DNAJC1: variants seen among roughly 807,000 people sequenced by gnomAD.
DNAJC1 encodes the protein DnaJ heat shock protein family (Hsp40) member C1.
A neutral mutation model predicts 76.6 loss-of-function variants in DNAJC1; 58 were observed. The observed-to-expected ratio is 0.76, with a 90% confidence interval of 0.61 to 0.94. The LOEUF is 0.94. Among genes scored for constraint, DNAJC1 ranks in the 40% least tolerant of loss-of-function variants. The pLI, the probability that DNAJC1 is intolerant of heterozygous loss-of-function variation, is 0.00. For missense variants in DNAJC1, 689 were observed against 677.3 expected (o/e 1.02, Z -0.19); for synonymous variants, 258 against 267.9 (o/e 0.96, Z 0.36).
chr10:21,811,642 CT>C (rs1419560539), intron 8 of DNAJC1, among the ~76,000 whole-genome samples: 1 of 152,190 alleles, frequency 6.6e-6, no homozygotes, highest in Non-Finnish European at 1.5e-5. Flanking sequence ...AGCAAATATT[CT>C]CAACACATAT....
rs574582224 is a variant in DNAJC1 at position 21,806,004 on chromosome 10, G to A, written c.1074C>T (p.His358=). 1.4e-5 allele frequency: 22 copies of A among 1,611,460 alleles called. No homozygotes were observed. The highest frequency in any genetic ancestry group is 5.0e-5 in the Admixed American group (3 of 59,942). Residue 358 remains histidine (H), a synonymous_variant, in exon 9 of 12, where the codon CAC becomes CAT. Transcript: ENST00000376980. ...GTPGRWEKIA[H]ELGRSVTDVT... ...CATCTGTCACAGATCGACCCAATTC[G>A]TGGGCAATCTTTTCCCATCGACCTG... is the stretch of plus-strand genomic sequence containing the variant.
intron 8 of DNAJC1, among the ~76,000 whole-genome samples, chr10:21,878,682 A>AT (rs1245139582): frequency 6.6e-6 from 1 of 152,080 alleles, no homozygotes; most frequent in Non-Finnish European, 1.5e-5. Flanking sequence ...ATCTTCTAAA[A>AT]TTTTTCCAAA....
At chr10:21,824,719 T>C (rs1835219244) in intron 8 of DNAJC1, among the ~76,000 whole-genome samples, 1 of 152,212 alleles carries the variant, frequency 6.6e-6, no homozygotes, top group African/African-American at 2.4e-5. Flanking sequence ...TTATTTTTAA[T>C]TGTGGTAAAT....
intron 1 of DNAJC1, among the ~76,000 whole-genome samples, chr10:21,968,501 T>C (rs965177873): frequency 1.3e-5 from 2 of 151,322 alleles, no homozygotes; most frequent in Admixed American, 6.6e-5. Flanking sequence ...ATTCATGACA[T>C]ATCTTTTTTT....
chr10:21,865,703 G>T (rs1004347504), intron 8 of DNAJC1: 9 of 151,972 alleles, frequency 5.9e-5, no homozygotes, highest in Non-Finnish European at 1.5e-5. Context: ...CTTTAAATAT[G>T]TCTAGTTTAT....
chr10:21,763,565 G>GTTTT (rs34169717), intron 10 of DNAJC1, among the ~76,000 whole-genome samples: 2 of 127,338 alleles, frequency 1.6e-5, no homozygotes, highest in African/African-American at 3.0e-5. Context: ...TGTGCAGGTT[G>GTTTT]TTTTTTTTTT....
chr10:21,830,506 T>C (rs1835339060), intron 8 of DNAJC1, among the ~76,000 whole-genome samples: 1 of 152,206 alleles, frequency 6.6e-6, no homozygotes, highest in Non-Finnish European at 1.5e-5. Flanking sequence ...GTGGTTAGTT[T>C]TAAGATTTTC....
At chr10:21,809,327 TAG>T (rs1834929713) in intron 8 of DNAJC1, among the ~76,000 whole-genome samples, 1 of 151,960 alleles carries the variant, frequency 6.6e-6, no homozygotes, top group Non-Finnish European at 1.5e-5. Flanking sequence ...ATCTAATAAA[TAG>T]ATACTGAAAC....
chr10:21,964,461 C>T (rs1180630448), intron 1 of DNAJC1, among the ~76,000 whole-genome samples: 1 of 152,180 alleles, frequency 6.6e-6, no homozygotes, highest in Non-Finnish European at 1.5e-5. Context: ...ATCTGCCAGC[C>T]TTGGTCTCCC....
chr10:21,849,832 T>C (rs1029060679), intron 8 of DNAJC1, among the ~76,000 whole-genome samples: 1 of 151,954 alleles, frequency 6.6e-6, no homozygotes, highest in African/African-American at 2.4e-5. Context: ...TTCAATGTAA[T>C]ACATCACATT....
chr10:21,863,423 C>T (rs1339083045), intron 8 of DNAJC1, among the ~76,000 whole-genome samples: 1 of 152,010 alleles, frequency 6.6e-6, no homozygotes, highest in Non-Finnish European at 1.5e-5. Context: ...TTCAAATGCA[C>T]AAACCATCAA....
At chr10:21,853,619 C>A (rs1359734024) in intron 8 of DNAJC1, among the ~76,000 whole-genome samples, 1 of 151,634 alleles carries the variant, frequency 6.6e-6, no homozygotes, top group African/African-American at 2.4e-5. Context: ...CATGGTGAAA[C>A]CCTGTCTCTC....
At chr10:21,924,370 A>AT (rs570061821) in intron 3 of DNAJC1, among the ~76,000 whole-genome samples, 9 of 152,316 alleles carry the variant, frequency 5.9e-5, no homozygotes, top group African/African-American at 2.2e-4. Context: ...TAAAAAACAC[A>AT]TTCAACTTTT....
chr10:21,842,178 C>T (rs1186483009), intron 8 of DNAJC1, among the ~76,000 whole-genome samples: 1 of 151,168 alleles, frequency 6.6e-6, no homozygotes, highest in East Asian at 1.9e-4. Context: ...AGCACACCAA[C>T]ATGGCACATG....
At position 21,882,406 on chromosome 10, in the gene DNAJC1, A is replaced by C. The variant is rs1314193424; in HGVS notation, c.854T>G (p.Phe285Cys). The C allele has an allele frequency of 3.3e-5, 51 of 1,522,698 alleles. No homozygotes were observed. The highest frequency in any genetic ancestry group is 4.4e-5 in the Non-Finnish European group (50 of 1,142,564). 94.3% of individuals were successfully genotyped at this position (1,522,698 alleles called of 1,614,324 possible). The change falls in exon 8 of 12, where the codon TTT (phenylalanine) becomes TGT (cysteine). Residue 285 changes from phenylalanine to cysteine, a missense_variant. Physicochemically the swap from Phe to Cys is radical, Grantham distance 205 (BLOSUM62 -2). Coordinates refer to ENST00000376980, the MANE Select transcript of DNAJC1 (RefSeq NM_022365.4). Reference sequence around the variant, plus strand: ...AGTTTCTAAAGGTGTGTATACAGGAAATTCAGGTTTTGGTTTTTTAACTTT... The same window carrying C: ...AGTTTCTAAAGGTGTGTATACAGGACATTCAGGTTTTGGTTTTTTAACTTT... ...QKKVKKPKPE[F>C]PVYTPLETTY... is the part of the protein sequence containing the mutation.
intron 9 of DNAJC1, among the ~76,000 whole-genome samples, chr10:21,805,439 GACACACACACACACACAC>G (rs10657199): frequency 2.8e-5 from 4 of 142,860 alleles, no homozygotes; most frequent in African/African-American, 7.7e-5. Flanking sequence ...GTTACGTATG[GACACACACACACACACAC>G]ACACACACAC....
At chr10:21,784,583 A>G (rs929214290) in intron 9 of DNAJC1, among the ~76,000 whole-genome samples, 1 of 152,230 alleles carries the variant, frequency 6.6e-6, no homozygotes, top group Non-Finnish European at 1.5e-5. Flanking sequence ...TCATGCTGCT[A>G]TAAAGACACA....
At chr10:21,814,696 A>G (rs1236321213) in intron 8 of DNAJC1, among the ~76,000 whole-genome samples, 2 of 152,182 alleles carry the variant, frequency 1.3e-5, no homozygotes, top group East Asian at 3.8e-4. Flanking sequence ...GAGATCTCGC[A>G]GAGAAAGATA....
rs553381566 is a variant in DNAJC1 at position 21,870,195 on chromosome 10, TCA to T, written c.978+12085_978+12086del. Among the ~76,000 whole-genome samples the T allele has an allele frequency of 2.5e-3, 382 of 152,014 alleles. 1 individual carries two copies. The highest frequency in any genetic ancestry group is 0.01 in the Middle Eastern group (3 of 294). On this transcript the variant is annotated intron_variant, in intron 8 of 11. Transcript: ENST00000376980. ...TCATTAACAAAACAAAGGTGAAAAA[TCA>T]CACAATCATCTTAATAGATGCAAAA...
Sources: allele counts gnomAD v4.1 joint callset (sites outside exome capture counted in the v4.1 genomes callset), GRCh38; gene constraint gnomAD v4.1.1; transcripts MANE v1.5; gene names NCBI Gene and HGNC (gene_info 2026-07-23, HGNC 2026-07-21).